The following IQSEC3 variants were observed in gnomAD, a reference collection of about 807,000 sequenced individuals.
IQSEC3 encodes IQ motif and Sec7 domain ArfGEF 3.
A neutral mutation model predicts 105.4 loss-of-function variants in IQSEC3; 50 were observed. That is an observed-to-expected ratio of 0.47 (90% CI 0.38 to 0.60). IQSEC3 has a LOEUF of 0.60. Among genes scored for constraint, IQSEC3 ranks in the 20% least tolerant of loss-of-function variants. The pLI, the probability that IQSEC3 is intolerant of heterozygous loss-of-function variation, is 0.00. For synonymous variants in IQSEC3, 708 were observed against 746.0 expected (o/e 0.95, Z 0.83); for missense variants, 1,415 against 1,630.0 (o/e 0.87, Z 2.27).
At chr12:88,931 AG>A (rs1249588552) in intron 1 of IQSEC3, among the ~76,000 whole-genome samples, 2 of 152,216 alleles carry the variant, frequency 1.3e-5, no homozygotes, top group African/African-American at 4.8e-5. Context: ...GCATTTGTGC[AG>A]GGTTTATTAT....
intron 1 of IQSEC3, among the ~76,000 whole-genome samples, chr12:92,289 G>T (rs146302688): frequency 5.9e-5 from 9 of 152,206 alleles, no homozygotes; most frequent in African/African-American, 2.2e-4. Context: ...GCCAGAGACC[G>T]AGAATGACGA....
At chr12:105,403 G>A (rs545615584) in intron 2 of IQSEC3, among the ~76,000 whole-genome samples, 104 of 152,342 alleles carry the variant, frequency 6.8e-4, no homozygotes, top group Non-Finnish European at 1.3e-3. Flanking sequence ...CTGCACAGAG[G>A]GGAGCATCCT....
At chr12:97,648 T>G (rs1428454890) in intron 1 of IQSEC3, among the ~76,000 whole-genome samples, 1 of 152,062 alleles carries the variant, frequency 6.6e-6, no homozygotes, top group Non-Finnish European at 1.5e-5. Flanking sequence ...GACCTCTATC[T>G]CTATGAAATT....
intron 5 of IQSEC3, among the ~76,000 whole-genome samples, chr12:146,435 G>A (rs1304861213): frequency 6.6e-6 from 1 of 152,048 alleles, no homozygotes; most frequent in Non-Finnish European, 1.5e-5. Context: ...GAGCTCTTAC[G>A]GCACCACTGC....
At position 125,891 on chromosome 12, in the gene IQSEC3, C is replaced by T. The variant is rs1164450238; in HGVS notation, c.882C>T (p.Ser294=). 3.3e-6 allele frequency: 5 copies of T among 1,533,600 alleles called. No homozygotes were observed. The South Asian group carries it at 3.6e-5, about 11-fold the overall frequency. 95.0% of individuals were successfully genotyped at this position (1,533,600 alleles called of 1,614,324 possible). A position where few individuals can be genotyped will look rare whatever the true frequency, so the allele number is the denominator to read the frequency against. Residue 294 remains serine, a synonymous_variant, in exon 3 of 14, where the codon TCC becomes TCT. Transcript: ENST00000538872. ...HAPAASDYEL[S]LDLKNKQIEM... Reference sequence around the variant, plus strand: ...CTGCCGCCTCCGATTACGAACTCTCCCTTGACCTAAAGAATAAACAGGTAC... The same window carrying T: ...CTGCCGCCTCCGATTACGAACTCTCTCTTGACCTAAAGAATAAACAGGTAC...
chr12:166,102 C>A (rs1228883320), intron 11 of IQSEC3: 1 of 596,200 alleles, frequency 1.7e-6, no homozygotes, highest in African/African-American at 1.9e-5. Flanking sequence ...CTAGAGTGCA[C>A]ACACGTGTGT....
At chr12:132,640 A>T (rs1865638319) in intron 3 of IQSEC3, among the ~76,000 whole-genome samples, 1 of 152,178 alleles carries the variant, frequency 6.6e-6, no homozygotes, top group Admixed American at 6.5e-5. Context: ...TGACAAACAC[A>T]GTGGACAGGG....
Position 174,768 on chromosome 12 carries a change from A to G in IQSEC3, c.3284A>G (p.Gln1095Arg), listed in dbSNP as rs745384402. 6.3e-7 allele frequency: 1 copy of G among 1,589,608 alleles called. No homozygotes were observed. Among genetic ancestry groups the G allele is most frequent in the African/African-American group, 1.3e-5 (1 of 74,250 alleles). Residue 1095 changes from glutamine (Q) to arginine (R), a missense_variant, in exon 14 of 14, where the codon CAA (glutamine) becomes CGA (arginine). Around this residue, in one of 6 missense-constraint regions of IQSEC3, gnomAD observed 419 missense variants for 436.2 expected, o/e 0.96. Coordinates refer to ENST00000538872, the MANE Select transcript of IQSEC3 (RefSeq NM_001170738.2). ...TPPGTLVQCQQIVKVIVLDKP... is the reference protein window; with the variant it reads ...TPPGTLVQCQRIVKVIVLDKP... ...CCGGGCACCCTGGTGCAGTGCCAGC[A>G]AATTGTCAAGGTCATTGTCCTGGAC...
chr12:123,231 C>T (rs1865275481), intron 2 of IQSEC3, among the ~76,000 whole-genome samples: 1 of 152,052 alleles, frequency 6.6e-6, no homozygotes, highest in Admixed American at 6.5e-5. Context: ...ATAGTGGGAC[C>T]CTGTCTCTAC....
intron 2 of IQSEC3, among the ~76,000 whole-genome samples, chr12:105,213 C>T (rs1053801673): frequency 2.0e-5 from 3 of 152,256 alleles, no homozygotes; most frequent in Admixed American, 6.5e-5. Context: ...AGGAAGTGTT[C>T]TTTGTCTCCT....
Position 141,290 on chromosome 12 carries a change from G to A in IQSEC3, c.2153+5G>A. 6.2e-7 allele frequency: 1 copy of A among 1,610,688 alleles called. No homozygotes were observed. The highest frequency in any genetic ancestry group is 8.5e-7 in the Non-Finnish European group (1 of 1,177,238). ...GTTCAACCGCGACGTGCTGGAGTGA[G>A]TACCCCACACTCCGGGCTTTCCCCA... On this transcript the variant is annotated splice_donor_5th_base_variant and intron_variant, in intron 5 of 13. Transcript: ENST00000538872.
intron 5 of IQSEC3, chr12:144,627 T>C (rs1555090473): frequency 6.6e-6 from 1 of 152,220 alleles, no homozygotes. Context: ...CTGGTCTGTG[T>C]CTGAGCATCA....
intron 5 of IQSEC3, among the ~76,000 whole-genome samples, chr12:145,979 T>A (rs1283118940): frequency 1.3e-5 from 2 of 152,176 alleles, no homozygotes; most frequent in Non-Finnish European, 2.9e-5. Context: ...GCTTCCTGGG[T>A]GTTCCTTCCC....
chr12:141,900 C>T (rs1222851258), intron 5 of IQSEC3: 2 of 152,350 alleles, frequency 1.3e-5, no homozygotes, highest in Admixed American at 6.5e-5. Context: ...TTTGCCCCCG[C>T]TCAGCCTTGA....
chr12:122,871 T>G (rs1555082214), intron 2 of IQSEC3, among the ~76,000 whole-genome samples: 1 of 152,208 alleles, frequency 6.6e-6, no homozygotes, highest in Non-Finnish European at 1.5e-5. Flanking sequence ...ACCAGTTCCC[T>G]AAAGAGTCTT....
chr12:142,928 C>T (rs887259957), intron 5 of IQSEC3, among the ~76,000 whole-genome samples: 2 of 152,260 alleles, frequency 1.3e-5, no homozygotes, highest in Admixed American at 6.5e-5. Context: ...CCCCTGCTGT[C>T]TCTCTGCTCT....
At chr12:134,571 A>G (rs1441051047) in intron 3 of IQSEC3, among the ~76,000 whole-genome samples, 1 of 152,258 alleles carries the variant, frequency 6.6e-6, no homozygotes, top group Non-Finnish European at 1.5e-5. Flanking sequence ...GGGTTTTCCT[A>G]GAAGTATAAA....
In IQSEC3 at chr12:169,000, C is replaced by G. The variant is rs1193460863; in HGVS notation, c.2972-13C>G. On this transcript the variant is annotated splice_polypyrimidine_tract_variant and intron_variant, in intron 11 of 13. Transcript: ENST00000538872. ...TAAGGTTTCTCTTGCTCACGGGCCTCTGCATTCCTTAGGGGAGCTGGAGAA... is the reference window on the plus strand; with the variant it reads ...TAAGGTTTCTCTTGCTCACGGGCCTGTGCATTCCTTAGGGGAGCTGGAGAA... 1.2e-6 allele frequency: 2 copies of G among 1,613,242 alleles called. No homozygotes were observed. Among genetic ancestry groups the G allele is most frequent in the East Asian group, 4.5e-5 (2 of 44,860 alleles).
chr12:147,243 A>G (rs1045100245), intron 5 of IQSEC3, among the ~76,000 whole-genome samples: 13 of 152,164 alleles, frequency 8.5e-5, no homozygotes, highest in Non-Finnish European at 1.0e-4. Context: ...CAGGGCTGTC[A>G]TATCTCCAGG....
Sources: gnomAD v4.1 joint callset for allele counts (sites outside exome capture counted in the v4.1 genomes callset) on GRCh38, gnomAD v4.1.1 for gene constraint, gnomAD v4.1.1 regional missense constraint, MANE v1.5 for transcripts, NCBI Gene and HGNC (gene_info 2026-07-23, HGNC 2026-07-21) for gene names.